ORMDL1: variants seen among roughly 807,000 people sequenced by gnomAD.
The protein encoded by ORMDL1 is ORMDL sphingolipid biosynthesis regulator 1.
In ORMDL1, 10 loss-of-function variants were observed where a neutral mutation model predicts 13.0. The ratio of observed to expected loss-of-function variants is 0.77; its 90% CI spans 0.47 to 1.30. ORMDL1 has a LOEUF of 1.30. ORMDL1 is among the 50% of genes most tolerant of loss of function. The probability of loss-of-function intolerance (pLI) is 0.00; values close to 1 mark genes in which losing one functional copy is unlikely to be tolerated. For synonymous variants in ORMDL1, 61 were observed against 63.9 expected, an observed-to-expected ratio of 0.95 and a Z score of 0.22; for missense variants, 171 against 186.7, an observed-to-expected ratio of 0.92 and a Z score of 0.49.
intron 4 of ORMDL1, among the ~76,000 whole-genome samples, chr2:189,773,169 A>G (rs1485328641): frequency 2.0e-5 from 3 of 152,328 alleles, no homozygotes; most frequent in Admixed American, 1.3e-4. Context: ...ATAACCTAGC[A>G]TATGTCCCCT....
chr2:189,765,501 G>A (rs928402621), downstream of ORMDL1: 6 of 152,162 alleles, frequency 3.9e-5, no homozygotes, highest in East Asian at 1.9e-4. Flanking sequence ...CTGGACTCTG[G>A]AGTACTGAGT....
intron 4 of ORMDL1, among the ~76,000 whole-genome samples, chr2:189,772,225 T>C (rs1276680459): frequency 1.3e-5 from 2 of 152,190 alleles, no homozygotes; most frequent in African/African-American, 4.8e-5. Flanking sequence ...AGTTCTGTAT[T>C]TCCATGTATG....
chr2:189,775,475 A>C, intron 4 of ORMDL1, 90 bp downstream of exon 4: 2 of 1,380,214 alleles, frequency 1.4e-6, no homozygotes, highest in East Asian at 2.4e-5. Context: ...AGTTTGCAAC[A>C]AAATATGTTT....
At chr2:189,768,186 C>T (rs10173868), downstream of ORMDL1, among the ~76,000 whole-genome samples, 488 of 152,276 alleles carry the variant, frequency 3.2e-3, 1 homozygote, top group African/African-American at 0.011. Context: ...CTTACCTTCC[C>T]CTTCCCTGCG....
rs1430978183 is a variant in ORMDL1, at chr2:189,782,513, A to C, written c.83T>G (p.Leu28Trp). Residue 28 changes from leucine (L) to tryptophan (W), a missense_variant, in exon 3 of 5, where the codon TTG becomes TGG. Physicochemically the swap from Leu to Trp is moderately conservative, Grantham distance 61. Transcript: ENST00000392349. ...GACAATATGAAGCAAGCCAACTCCC[A>C]ATGCATATGTCAGCCACATACCCCG... Reference protein sequence around the residue: ...NSRGMWLTYALGVGLLHIVLL... With the variant: ...NSRGMWLTYAWGVGLLHIVLL... 14 of 1,614,076 alleles carry C rather than the reference A, an allele frequency of 8.7e-6. No individual in the cohort carries two copies. Among genetic ancestry groups the C allele is most frequent in the Non-Finnish European group, 1.2e-5 (14 of 1,180,030 alleles).
At chr2:189,777,204 A>C (rs1224112041) in intron 3 of ORMDL1, among the ~76,000 whole-genome samples, 1 of 152,204 alleles carries the variant, frequency 6.6e-6, no homozygotes, top group Non-Finnish European at 1.5e-5. Context: ...CATTAGCCTG[A>C]ATACACTCGG....
chr2:189,768,059 G>C (rs2047512081), downstream of ORMDL1, among the ~76,000 whole-genome samples: 1 of 152,068 alleles, frequency 6.6e-6, no homozygotes, highest in African/African-American at 2.4e-5. Context: ...CAAACTACTT[G>C]CTACATCACT....
intron 1 of ORMDL1, chr2:189,783,706 G>A (rs999254021): frequency 6.6e-6 from 1 of 152,216 alleles, no homozygotes; most frequent in Admixed American, 6.5e-5. Context: ...GTCATACTTA[G>A]AACATGCCAA....
chr2:189,776,182 TTGAGA>T (rs1251752133), intron 3 of ORMDL1, among the ~76,000 whole-genome samples: 2 of 152,120 alleles, frequency 1.3e-5, no homozygotes, highest in South Asian at 2.1e-4. Context: ...AAAAATAGTT[TTGAGA>T]TATTTAATAT....
chr2:189,778,058 C>T (rs1213486056), intron 3 of ORMDL1: 2 of 387,852 alleles, frequency 5.2e-6, no homozygotes, highest in Non-Finnish European at 9.9e-6. Context: ...AATTACCAAT[C>T]ATTTGTCCAT....
chr2:189,767,019 G>C (rs1468411256), downstream of ORMDL1, among the ~76,000 whole-genome samples: 1 of 152,160 alleles, frequency 6.6e-6, no homozygotes, highest in Non-Finnish European at 1.5e-5. Flanking sequence ...TGGACACTTG[G>C]ATTGCTTCCA....
Position 189,770,943 on chromosome 2 carries a change from T to C in ORMDL1, c.*824A>G, listed in dbSNP as rs1559186538. On this transcript the variant is annotated 3_prime_UTR_variant, in exon 5 of 5. Transcript: ENST00000392349. ...TTCAAATGATGACAAACTTTCCCAATTAAATTGTTCAACCAAATAAGCAGA... is the reference window on the plus strand; with the variant it reads ...TTCAAATGATGACAAACTTTCCCAACTAAATTGTTCAACCAAATAAGCAGA... 1 of 152,204 alleles carries C rather than the reference T, an allele frequency of 6.6e-6. No individual in the cohort carries two copies. Among genetic ancestry groups the C allele is most frequent in the Non-Finnish European group, 1.5e-5 (1 of 68,032 alleles). 9.4% of individuals were successfully genotyped at this position (152,204 alleles called of 1,614,324 possible). A position where few individuals can be genotyped will look rare whatever the true frequency, so the allele number is the denominator to read the frequency against.
chr2:189,766,972 G>T (rs2047493405), downstream of ORMDL1, among the ~76,000 whole-genome samples: 1 of 152,188 alleles, frequency 6.6e-6, no homozygotes, highest in Non-Finnish European at 1.5e-5. Flanking sequence ...TCCATTGTGT[G>T]TATATGTCAC....
At position 189,771,916 on chromosome 2, in the gene ORMDL1, A is replaced by C. The variant is rs758467141; in HGVS notation, c.327-14T>G. On this transcript the variant is annotated splice_polypyrimidine_tract_variant and intron_variant, in intron 4 of 4. Transcript: ENST00000392349. ...GCCAGAAAATATCTGTAGAGATAAA[A>C]GTTAAGAATATATATAACATCCAAA... is the stretch of plus-strand genomic sequence containing the variant. 13 of 1,544,852 alleles carry C rather than the reference A, an allele frequency of 8.4e-6. No individual in the cohort carries two copies. The South Asian group carries it at 8.4e-5, about 10-fold the overall frequency.
At position 189,771,773 on chromosome 2, in the gene ORMDL1, C is replaced by G. The variant is rs1175086225; in HGVS notation, c.456G>C (p.Lys152Asn). ...LHGVRIFGINKY is the reference protein window; with the variant it reads ...LHGVRIFGINNY The stretch of plus-strand genomic sequence containing the variant: ...TTTTCAGTTTCAAAACATTTCAATA[C>G]TTATTAATTCCAAAGATCCGAACAC... Residue 152 changes from lysine to asparagine, a missense_variant, in exon 5 of 5, where the codon AAG (lysine) becomes AAC (asparagine). Physicochemically the swap from Lys to Asn is moderately conservative, Grantham distance 94. Transcript: ENST00000392349. The G allele has an allele frequency of 1.9e-6, 3 of 1,589,216 alleles. No individual in the cohort carries two copies. The highest frequency in any genetic ancestry group is 2.6e-6 in the Non-Finnish European group (3 of 1,172,932).
chr2:189,784,286 G>T lies in ORMDL1; in HGVS notation c.-135C>A, dbSNP rs1385023366. 6.6e-6 allele frequency: 1 copy of T among 152,588 alleles called. No homozygotes were observed. Among genetic ancestry groups the T allele is most frequent in the African/African-American group, 2.4e-5 (1 of 41,474 alleles). 9.5% of individuals were successfully genotyped at this position (152,588 alleles called of 1,614,324 possible). On this transcript the variant is annotated 5_prime_UTR_variant, in exon 1 of 5. Transcript: ENST00000392349. ...CCACTTACCCGCCGCCCCACTCCGG[G>T]CCGCCGGCTCGCAGCAGGACCAGCC...
In ORMDL1 at chr2:189,771,912, T is replaced by C. The variant is rs748060846; in HGVS notation, c.327-10A>G. 1 of 1,558,708 alleles carries C rather than the reference T, an allele frequency of 6.4e-7. No homozygotes were observed. Among genetic ancestry groups the C allele is most frequent in the Non-Finnish European group, 8.7e-7 (1 of 1,147,194 alleles). ...ACTTGCCAGAAAATATCTGTAGAGA[T>C]AAAAGTTAAGAATATATATAACATC... On this transcript the variant is annotated splice_polypyrimidine_tract_variant and intron_variant, in intron 4 of 4. Coordinates refer to ENST00000392349, the MANE Select transcript of ORMDL1 (RefSeq NM_016467.5).
At chr2:189,772,582 C>G (rs1245807036) in intron 4 of ORMDL1, among the ~76,000 whole-genome samples, 2 of 152,104 alleles carry the variant, frequency 1.3e-5, no homozygotes, top group African/African-American at 4.8e-5. Context: ...CATAAATCAC[C>G]AAGTCCAGAA....
Position 189,776,708 on chromosome 2 carries a change from G to A in ORMDL1, c.175-992C>T, listed in dbSNP as rs543883452. Among the ~76,000 whole-genome samples the A allele has an allele frequency of 3.3e-4, 50 of 152,222 alleles. 1 individual carries two copies. In the South Asian group the frequency reaches 9.7e-3, roughly 30 times the overall value. Reference sequence around the variant, plus strand: ...GTCTACTTCCTAGTTATTCCAGTAGGCAATTCAGAAGTCGTTTAGCTACAA... The same window carrying A: ...GTCTACTTCCTAGTTATTCCAGTAGACAATTCAGAAGTCGTTTAGCTACAA... On this transcript the variant is annotated intron_variant, in intron 3 of 4. Coordinates refer to ENST00000392349, the MANE Select transcript of ORMDL1 (RefSeq NM_016467.5).
Sources: allele counts gnomAD v4.1 joint callset (sites outside exome capture counted in the v4.1 genomes callset), GRCh38; gene constraint gnomAD v4.1.1; transcripts MANE v1.5; gene names NCBI Gene and HGNC (gene_info 2026-07-23, HGNC 2026-07-21).